Variants in RBPJ observed in about 807,000 individuals in gnomAD.
RBPJ encodes the protein recombining binding protein suppressor of hairless.
A neutral mutation model predicts 67.8 loss-of-function variants in RBPJ; 9 were observed. The observed-to-expected ratio is 0.13, with a 90% CI of 0.08 to 0.23. RBPJ has a LOEUF of 0.23. Among genes scored for constraint, RBPJ ranks in the 10% least tolerant of loss-of-function variants. The pLI, the probability that RBPJ is intolerant of heterozygous loss-of-function variation, is 1.00. For synonymous variants in RBPJ, 198 were observed against 203.3 expected, an observed-to-expected ratio of 0.97 and a Z score of 0.22; for missense variants, 305 against 595.6, an observed-to-expected ratio of 0.51 and a Z score of 5.08.
intron 1 of RBPJ, among the ~76,000 whole-genome samples, chr4:26,220,030 G>A (rs780691630): frequency 4.6e-5 from 7 of 151,796 alleles, no homozygotes; most frequent in African/African-American, 1.2e-4. Context: ...TGATCAGCCC[G>A]CCTTGGCCTC....
At chr4:26,237,764 A>G (rs1206503493) in intron 1 of RBPJ, among the ~76,000 whole-genome samples, 1 of 152,244 alleles carries the variant, frequency 6.6e-6, no homozygotes, top group Non-Finnish European at 1.5e-5. Flanking sequence ...TGAGAGAATT[A>G]AATAATAAAG....
At chr4:26,435,084 G>A (rs1398739551), downstream of RBPJ, 1 of 152,096 alleles carries the variant, frequency 6.6e-6, no homozygotes, top group African/African-American at 2.4e-5. Flanking sequence ...CCTTGTCAAT[G>A]TTTTTAACTA....
chr4:26,369,743 C>CT (rs1262828345), intron 1 of RBPJ, among the ~76,000 whole-genome samples: 1 of 152,138 alleles, frequency 6.6e-6, no homozygotes, highest in African/African-American at 2.4e-5. Flanking sequence ...CCATTGCTCT[C>CT]TTTTATTTCT....
chr4:26,242,325 G>A (rs903016491), intron 1 of RBPJ, among the ~76,000 whole-genome samples: 1 of 152,004 alleles, frequency 6.6e-6, no homozygotes, highest in Non-Finnish European at 1.5e-5. Context: ...GCGGGCGCCT[G>A]TAGTCCCAGC....
chr4:26,301,285 C>A (rs1722065876), intron 1 of RBPJ, among the ~76,000 whole-genome samples: 1 of 152,064 alleles, frequency 6.6e-6, no homozygotes. Flanking sequence ...AATAACTGTT[C>A]TGGGTCCAAA....
intron 1 of RBPJ, among the ~76,000 whole-genome samples, chr4:26,201,706 T>G (rs74641208): frequency 0.014 from 2,151 of 152,332 alleles, 44 homozygotes; most frequent in African/African-American, 0.048. Flanking sequence ...TACCCTGCAG[T>G]GCAAACAGGC....
At chr4:26,402,763 C>T (rs186006766) in intron 2 of RBPJ, among the ~76,000 whole-genome samples, 127 of 152,278 alleles carry the variant, frequency 8.3e-4, no homozygotes, top group African/African-American at 2.8e-3. Context: ...CATTTACTTC[C>T]GTGGTGTTGT....
intron 1 of RBPJ, among the ~76,000 whole-genome samples, chr4:26,273,733 G>T (rs1312771914): frequency 6.6e-6 from 1 of 152,208 alleles, no homozygotes; most frequent in African/African-American, 2.4e-5. Flanking sequence ...AAGAAGTGGG[G>T]AAGTGGGAGG....
intron 2 of RBPJ, among the ~76,000 whole-genome samples, chr4:26,404,851 G>C (rs952567575): frequency 6.6e-6 from 1 of 152,050 alleles, no homozygotes; most frequent in African/African-American, 2.4e-5. Flanking sequence ...TCTACTTCTC[G>C]CTCAGAATTA....
At chr4:26,163,202 A>G (rs1285126682), upstream of RBPJ, among the ~76,000 whole-genome samples, 6 of 152,208 alleles carry the variant, frequency 3.9e-5, no homozygotes, top group African/African-American at 1.4e-4. Context: ...AGCCTAAAGC[A>G]GCTGTAACAT....
chr4:26,423,132 G>T (rs1029746201), intron 5 of RBPJ, among the ~76,000 whole-genome samples: 1 of 152,154 alleles, frequency 6.6e-6, no homozygotes, highest in African/African-American at 2.4e-5. Context: ...TAGAGCGTGG[G>T]CCTAGTTGGA....
intron 1 of RBPJ, among the ~76,000 whole-genome samples, chr4:26,249,568 C>T (rs1039714555): frequency 4.6e-5 from 7 of 151,614 alleles, no homozygotes; most frequent in Non-Finnish European, 7.4e-5. Context: ...GGCTGGGGCA[C>T]GAGAATCTCT....
At chr4:26,346,560 G>C (rs963614964) in intron 1 of RBPJ, among the ~76,000 whole-genome samples, 2 of 152,196 alleles carry the variant, frequency 1.3e-5, no homozygotes, top group South Asian at 2.1e-4. Flanking sequence ...CGATTTTACA[G>C]TCTGCTCTTT....
At chr4:26,201,727 T>C (rs573389559) in intron 1 of RBPJ, among the ~76,000 whole-genome samples, 1 of 152,216 alleles carries the variant, frequency 6.6e-6, no homozygotes, top group Non-Finnish European at 1.5e-5. Flanking sequence ...TATATTTTTC[T>C]AACGTTCTAA....
Position 26,264,294 on chromosome 4 carries a change from A to T in RBPJ, c.-166-98152A>T, listed in dbSNP as rs1577370100. On this transcript the variant is annotated intron_variant, in intron 1 of 4. Coordinates refer to the RBPJ transcript ENST00000512351. This position sits in a 1 kb window ranked among gnomAD's most constrained non-coding sequence, Gnocchi z 4.1. ...AATCAATGAATACTTATTAATTCAGATCTTAGTAATTAATTATTATTAATA... is the reference window on the plus strand; with the variant it reads ...AATCAATGAATACTTATTAATTCAGTTCTTAGTAATTAATTATTATTAATA... 6.6e-6 allele frequency among the ~76,000 whole-genome samples: 1 copy of T among 152,324 alleles called. No homozygotes were observed. The highest frequency in any genetic ancestry group is 3.4e-3 in the Middle Eastern group (1 of 294).
At chr4:26,377,622 T>C (rs1729885630) in intron 1 of RBPJ, among the ~76,000 whole-genome samples, 1 of 152,242 alleles carries the variant, frequency 6.6e-6, no homozygotes, top group Non-Finnish European at 1.5e-5. Flanking sequence ...GTATTTCTCT[T>C]TGTGGAAAAC....
At chr4:26,304,788 A>ATTTTTTTTTT (rs34531799) in intron 1 of RBPJ, among the ~76,000 whole-genome samples, 1 of 142,416 alleles carries the variant, frequency 7.0e-6, no homozygotes, top group Non-Finnish European at 1.5e-5. Flanking sequence ...CCCATTCTGT[A>ATTTTTTTTTT]TTTTTTTTTT....
intron 1 of RBPJ, among the ~76,000 whole-genome samples, chr4:26,376,003 T>C (rs1312810226): frequency 6.6e-6 from 1 of 152,192 alleles, no homozygotes; most frequent in East Asian, 1.9e-4. Context: ...TTTCTGTTAC[T>C]GGGCAGCTGG....
intron 1 of RBPJ, among the ~76,000 whole-genome samples, chr4:26,223,446 G>A (rs983266095): frequency 2.0e-5 from 3 of 152,210 alleles, no homozygotes; most frequent in Non-Finnish European, 4.4e-5. Context: ...GGGAAAATCT[G>A]CCTGAAGGAG....
Sources: gnomAD v4.1 joint callset for allele counts (sites outside exome capture counted in the v4.1 genomes callset) on GRCh38, gnomAD v4.1.1 for gene constraint, Gnocchi (gnomAD v3.1) non-coding constraint, MANE v1.5 for transcripts, NCBI Gene and HGNC (gene_info 2026-07-23, HGNC 2026-07-21) for gene names.